GRIN2B: variants seen among roughly 807,000 people sequenced by gnomAD.
GRIN2B encodes glutamate receptor ionotropic, NMDA 2B.
Under a neutral mutation model 114.5 loss-of-function variants are expected in GRIN2B, and 5 were observed. The observed-to-expected ratio is 0.04, with a 90% CI of 0.02 to 0.09. The LOEUF is 0.09. Ranked by LOEUF, GRIN2B falls within the 10% of genes least tolerant of loss-of-function variation. The pLI is 1.00. For synonymous variants in GRIN2B, 787 were observed against 745.1 expected (o/e 1.06, Z -0.92); for missense variants, 1,108 against 1,943.5 (o/e 0.57, Z 8.08).
At chr12:13,702,515 C>A (rs4763357) in intron 4 of GRIN2B, among the ~76,000 whole-genome samples, 6 of 152,040 alleles carry the variant, frequency 3.9e-5, no homozygotes, top group Non-Finnish European at 5.9e-5. Flanking sequence ...CTGTGATAAG[C>A]GGCTATCAAC....
chr12:13,777,006 C>T (rs1021845477), intron 3 of GRIN2B, among the ~76,000 whole-genome samples: 9 of 152,136 alleles, frequency 5.9e-5, no homozygotes, highest in African/African-American at 2.2e-4. Flanking sequence ...CAAGGGGACA[C>T]TAATGGGTGT....
At chr12:13,677,206 A>G (rs1264742275) in intron 4 of GRIN2B, among the ~76,000 whole-genome samples, 1 of 152,192 alleles carries the variant, frequency 6.6e-6, no homozygotes, top group East Asian at 1.9e-4. Context: ...TTGTGAGACC[A>G]TGTCCCTGCT....
chr12:13,885,849 G>A (rs1211003825), intron 2 of GRIN2B, among the ~76,000 whole-genome samples: 2 of 152,206 alleles, frequency 1.3e-5, no homozygotes, highest in Admixed American at 6.5e-5. Flanking sequence ...CATATCTAAT[G>A]CAGTGTTTCT....
At chr12:13,594,524 G>A (rs558918607) in intron 10 of GRIN2B, among the ~76,000 whole-genome samples, 19 of 152,054 alleles carry the variant, frequency 1.2e-4, no homozygotes, top group Admixed American at 6.5e-4. Context: ...GGGCCTGTAA[G>A]GGGGTGGGGG....
chr12:13,839,563 A>C (rs536376750), intron 3 of GRIN2B, among the ~76,000 whole-genome samples: 1 of 152,246 alleles, frequency 6.6e-6, no homozygotes, highest in Non-Finnish European at 1.5e-5. Flanking sequence ...CAGTCATTAC[A>C]TCATCCATTA....
chr12:13,591,693 T>TTGA (rs1172484771), intron 10 of GRIN2B, among the ~76,000 whole-genome samples: 14 of 152,282 alleles, frequency 9.2e-5, no homozygotes, highest in Admixed American at 4.6e-4. Context: ...ACTGTAACTA[T>TTGA]TGATGTGGTT....
chr12:13,837,612 T>C (rs1865297341), intron 3 of GRIN2B, among the ~76,000 whole-genome samples: 2 of 152,198 alleles, frequency 1.3e-5, no homozygotes, highest in Admixed American at 6.5e-5. Flanking sequence ...GTTAAGTCAT[T>C]GCCTAAGTTC....
At chr12:13,597,435 C>G (rs901984078) in intron 10 of GRIN2B, among the ~76,000 whole-genome samples, 1 of 152,228 alleles carries the variant, frequency 6.6e-6, no homozygotes, top group Non-Finnish European at 1.5e-5. Flanking sequence ...TACCAACCTC[C>G]TCCTTCCACC....
intron 2 of GRIN2B, among the ~76,000 whole-genome samples, chr12:13,971,042 A>G (rs1296275633): frequency 6.6e-6 from 1 of 152,214 alleles, no homozygotes; most frequent in African/African-American, 2.4e-5. Flanking sequence ...GCATGGTAAC[A>G]AATTCCAGGG....
chr12:13,886,890 A>T (rs950652688), intron 2 of GRIN2B, among the ~76,000 whole-genome samples: 6 of 152,238 alleles, frequency 3.9e-5, no homozygotes, highest in African/African-American at 1.4e-4. Flanking sequence ...CAAGTGCTTT[A>T]TATATAGTAA....
At chr12:13,808,752 A>ATATAT (rs1491182910) in intron 3 of GRIN2B, among the ~76,000 whole-genome samples, 83 of 109,888 alleles carry the variant, frequency 7.6e-4, no homozygotes, top group Middle Eastern at 5.1e-3. Context: ...ATAAAAAAAA[A>ATATAT]ATATATATAT....
rs1038132574 is a variant in GRIN2B, at chr12:13,753,169, C to T, written c.1010+148G>A. ...CAAGGTTGGATCCAAAACACTCCCC[C>T]AATCATGACCAATTGCCATGCCCAA... is the stretch of plus-strand genomic sequence containing the variant. On this transcript the variant is annotated intron_variant, in intron 4 of 13. Transcript: ENST00000609686. This position sits in a 1 kb window ranked among gnomAD's most constrained non-coding sequence, Gnocchi z 6.2. 8 of 749,784 alleles carry T rather than the reference C, an allele frequency of 1.1e-5. No homozygotes were observed. Among genetic ancestry groups the T allele is most frequent in the Non-Finnish European group, 2.0e-5 (8 of 409,830 alleles). The allele number at this position is 749,784 out of a possible 1,614,324, so 46.4% of individuals were successfully genotyped here.
intron 3 of GRIN2B, among the ~76,000 whole-genome samples, chr12:13,793,518 C>T (rs1191019489): frequency 1.3e-5 from 2 of 152,194 alleles, no homozygotes; most frequent in African/African-American, 2.4e-5. Flanking sequence ...CAGTACCCTT[C>T]CTCCTTTCTG....
At chr12:13,800,760 T>C (rs2300269) in intron 3 of GRIN2B, among the ~76,000 whole-genome samples, 10,212 of 152,252 alleles carry the variant, frequency 0.067, 498 homozygotes, top group East Asian at 0.16. Context: ...TTACTATGAA[T>C]GTACGTCATG....
At chr12:13,843,450 A>G (rs1320259793) in intron 3 of GRIN2B, among the ~76,000 whole-genome samples, 2 of 152,162 alleles carry the variant, frequency 1.3e-5, no homozygotes, top group Non-Finnish European at 2.9e-5. Flanking sequence ...CATGAGGCCA[A>G]ATCAGAAGCT....
At position 13,751,400 on chromosome 12, in the gene GRIN2B, T is replaced by C. The variant is rs1248698330; in HGVS notation, c.1010+1917A>G. 2.0e-5 allele frequency among the ~76,000 whole-genome samples: 3 copies of C among 152,152 alleles called. No homozygotes were observed. In the East Asian group the frequency reaches 5.8e-4, roughly 29 times the overall value. ...AGCAGAACTTGGAGGAGGAAGATCA[T>C]GTAAGAAGCCCTGTAGTAATGCATG... On this transcript the variant is annotated intron_variant, in intron 4 of 13. Transcript: ENST00000609686.
intron 3 of GRIN2B, among the ~76,000 whole-genome samples, chr12:13,760,708 C>T (rs1191441344): frequency 6.6e-6 from 1 of 152,144 alleles, no homozygotes; most frequent in Non-Finnish European, 1.5e-5. Flanking sequence ...GCCAGGGTTA[C>T]CCAGCTGTCC....
chr12:13,687,802 T>G (rs765717905), intron 4 of GRIN2B, among the ~76,000 whole-genome samples: 2 of 152,242 alleles, frequency 1.3e-5, no homozygotes, highest in South Asian at 4.1e-4. Flanking sequence ...AAGTCAACTG[T>G]AGTTTAGCTT....
intron 5 of GRIN2B, among the ~76,000 whole-genome samples, chr12:13,632,600 C>G (rs1165424099): frequency 6.6e-6 from 1 of 152,150 alleles, no homozygotes; most frequent in Non-Finnish European, 1.5e-5. Flanking sequence ...TCTGCCTAAG[C>G]AGGGAAGTTA....
Sources: allele counts gnomAD v4.1 joint callset (sites outside exome capture counted in the v4.1 genomes callset), GRCh38; gene constraint gnomAD v4.1.1; non-coding constraint Gnocchi (gnomAD v3.1); transcripts MANE v1.5; gene names NCBI Gene and HGNC (gene_info 2026-07-23, HGNC 2026-07-21).